CDK19: variants seen among roughly 807,000 people sequenced by gnomAD.
The protein encoded by CDK19 is cyclin-dependent kinase 19.
A neutral mutation model predicts 68.3 loss-of-function variants in CDK19; 20 were observed. The ratio of observed to expected loss-of-function variants is 0.29; its 90% confidence interval spans 0.21 to 0.43. CDK19 has a LOEUF of 0.43. Ranked by LOEUF, CDK19 falls within the 20% of genes least tolerant of loss-of-function variation. CDK19 has a pLI of 1.00. For synonymous variants in CDK19, 221 were observed against 222.8 expected, an observed-to-expected ratio of 0.99 and a Z score of 0.07; for missense variants, 339 against 623.5, an observed-to-expected ratio of 0.54 and a Z score of 4.86.
At chr6:110,705,601 C>T (rs1428544019) in intron 2 of CDK19, among the ~76,000 whole-genome samples, 1 of 152,176 alleles carries the variant, frequency 6.6e-6, no homozygotes, top group Non-Finnish European at 1.5e-5. Context: ...CACAGGATTA[C>T]ACAGACTCCG....
intron 2 of CDK19, among the ~76,000 whole-genome samples, chr6:110,671,341 C>G (rs917470905): frequency 2.0e-5 from 3 of 152,062 alleles, no homozygotes; most frequent in Non-Finnish European, 4.4e-5. Flanking sequence ...AAATATGCCT[C>G]CCTCAGGCTG....
At chr6:110,737,678 C>A (rs147457708) in intron 2 of CDK19, among the ~76,000 whole-genome samples, 184 of 152,248 alleles carry the variant, frequency 1.2e-3, no homozygotes, top group African/African-American at 4.1e-3. Context: ...TTCCCAGAAT[C>A]CTCCTAAAAT....
In CDK19 at chr6:110,664,433, G is replaced by C. The variant is rs553386397; in HGVS notation, c.456+3001C>G. The stretch of plus-strand genomic sequence containing the variant: ...TATCTTATAGTATAATTGTTTGTGT[G>C]TATGTCATATTTCTTCAAGGCTCCT... On this transcript the variant is annotated intron_variant, in intron 4 of 12. Transcript: ENST00000368911. Among the ~76,000 whole-genome samples the C allele has an allele frequency of 7.2e-5, 11 of 152,248 alleles. No homozygotes were observed. The East Asian group carries it at 2.1e-3, about 29-fold the overall frequency.
intron 4 of CDK19, among the ~76,000 whole-genome samples, chr6:110,660,089 CTT>C (rs1312964358): frequency 6.6e-6 from 1 of 152,184 alleles, no homozygotes; most frequent in African/African-American, 2.4e-5. Flanking sequence ...ACCTTATCCT[CTT>C]GAGTAGCTGG....
intron 4 of CDK19, among the ~76,000 whole-genome samples, chr6:110,639,963 A>G (rs1426358310): frequency 6.6e-6 from 1 of 152,188 alleles, no homozygotes; most frequent in Non-Finnish European, 1.5e-5. Context: ...CTGTTATCCT[A>G]GGACTTTGGG....
At chr6:110,746,028 T>A in intron 2 of CDK19, 98 bp downstream of exon 2, 1 of 531,032 alleles carries the variant, frequency 1.9e-6, no homozygotes, top group Non-Finnish European at 3.2e-6. Context: ...ATATGTAAAA[T>A]AAACATTCAT....
intron 2 of CDK19, among the ~76,000 whole-genome samples, chr6:110,730,587 T>C (rs1282656060): frequency 2.0e-5 from 3 of 152,190 alleles, no homozygotes; most frequent in African/African-American, 7.2e-5. Flanking sequence ...AGAAACACTA[T>C]TAAACTCAAC....
rs771837983 is a variant in CDK19, at chr6:110,643,194, C to A, written c.457-4488G>T. ...CCCTTCTGGAGGAAACACTTACCAA[C>A]TTAGGCCTGACGAGTAAAACAATAC... On this transcript the variant is annotated intron_variant, in intron 4 of 12. Transcript: ENST00000368911. 3.9e-5 allele frequency: 50 copies of A among 1,288,006 alleles called. 1 individual carries two copies. In the South Asian group the frequency reaches 6.2e-4, roughly 16 times the overall value. The allele number at this position is 1,288,006 out of a possible 1,614,324, so 79.8% of individuals were successfully genotyped here. A position where few individuals can be genotyped will look rare whatever the true frequency, so the allele number is the denominator to read the frequency against.
intron 1 of CDK19, among the ~76,000 whole-genome samples, chr6:110,768,800 A>G (rs1310364495): frequency 6.6e-6 from 1 of 152,136 alleles, no homozygotes; most frequent in Non-Finnish European, 1.5e-5. Context: ...GTAATGGTTA[A>G]ATACATATCA....
intron 2 of CDK19, among the ~76,000 whole-genome samples, chr6:110,713,057 C>T (rs936973703): frequency 6.6e-6 from 1 of 151,700 alleles, no homozygotes; most frequent in Admixed American, 6.6e-5. Context: ...ATTAGCTGGG[C>T]GTGGTGGCGC....
At position 110,610,319 on chromosome 6, in the gene CDK19, T is replaced by C. The variant is rs1242690482; in HGVS notation, c.*4216A>G. Reference sequence around the variant, plus strand: ...CAAACTAGGCAGTTTAGAAAGGATATACTACATAACATATATAAAAAGTAC... The same window carrying C: ...CAAACTAGGCAGTTTAGAAAGGATACACTACATAACATATATAAAAAGTAC... On this transcript the variant is annotated 3_prime_UTR_variant, in exon 13 of 13. Coordinates refer to ENST00000368911, the MANE Select transcript of CDK19 (RefSeq NM_015076.5). 6.6e-6 allele frequency: 1 copy of C among 152,604 alleles called. No homozygotes were observed. Among genetic ancestry groups the C allele is most frequent in the Non-Finnish European group, 1.5e-5 (1 of 68,030 alleles). The allele number at this position is 152,604 out of a possible 1,614,324, so 9.5% of individuals were successfully genotyped here. A position where few individuals can be genotyped will look rare whatever the true frequency, so the allele number is the denominator to read the frequency against.
chr6:110,800,845 T>C (rs1375868323), intron 1 of CDK19, among the ~76,000 whole-genome samples: 1 of 152,016 alleles, frequency 6.6e-6, no homozygotes, highest in East Asian at 1.9e-4. Flanking sequence ...GCCAACATCA[T>C]ACTGAAAGAG....
chr6:110,642,526 T>A (rs191737206), intron 4 of CDK19, among the ~76,000 whole-genome samples: 5 of 152,096 alleles, frequency 3.3e-5, no homozygotes, highest in Admixed American at 2.6e-4. Context: ...AATAAATAAG[T>A]ATACAACATA....
At chr6:110,814,174 TTGA>T (rs1783364074) in intron 1 of CDK19, 2 of 194,724 alleles carry the variant, frequency 1.0e-5, no homozygotes, top group Admixed American at 1.1e-4. Flanking sequence ...TATTCCGTTC[TTGA>T]TAATATAGGT....
chr6:110,750,030 A>AC (rs1778368809), intron 1 of CDK19, among the ~76,000 whole-genome samples: 1 of 145,794 alleles, frequency 6.9e-6, no homozygotes. Flanking sequence ...TTGGCCTCCC[A>AC]AAGTGCTGGG....
chr6:110,786,089 T>C (rs1052305832), intron 1 of CDK19, among the ~76,000 whole-genome samples: 1 of 152,218 alleles, frequency 6.6e-6, no homozygotes, highest in African/African-American at 2.4e-5. Context: ...CATTCCTTCT[T>C]CCGTCTGCTT....
intron 1 of CDK19, chr6:110,814,717 G>A (rs1350770084): frequency 1.7e-6 from 1 of 599,866 alleles, no homozygotes. Flanking sequence ...CTCCACCGCG[G>A]TCCCAACTCG....
At chr6:110,781,817 C>T (rs535358723) in intron 1 of CDK19, among the ~76,000 whole-genome samples, 4 of 140,500 alleles carry the variant, frequency 2.8e-5, no homozygotes, top group Non-Finnish European at 4.6e-5. Flanking sequence ...GCCTAGGTGA[C>T]AACGTGAGAC....
chr6:110,660,092 G>A (rs540302784), intron 4 of CDK19, among the ~76,000 whole-genome samples: 21 of 152,252 alleles, frequency 1.4e-4, no homozygotes, highest in African/African-American at 4.8e-4. Flanking sequence ...TTATCCTCTT[G>A]AGTAGCTGGG....
Sources: gnomAD v4.1 joint callset for allele counts (sites outside exome capture counted in the v4.1 genomes callset) on GRCh38, gnomAD v4.1.1 for gene constraint, MANE v1.5 for transcripts, NCBI Gene and HGNC (gene_info 2026-07-23, HGNC 2026-07-21) for gene names.